PDZD8: variants seen among roughly 807,000 people sequenced by gnomAD.
The protein encoded by PDZD8 is PDZ domain containing 8.
Under a neutral mutation model 85.8 loss-of-function variants are expected in PDZD8, and 14 were observed. That is an observed-to-expected ratio of 0.16 (90% CI 0.11 to 0.26). The LOEUF is 0.26. PDZD8 is among the 10% of genes least tolerant of loss of function. The probability of loss-of-function intolerance (pLI) is 1.00; values close to 1 mark genes in which losing one functional copy is unlikely to be tolerated. For missense variants in PDZD8, 1,197 were observed against 1,424.3 expected, an observed-to-expected ratio of 0.84 and a Z score of 2.57; for synonymous variants, 592 against 568.6, an observed-to-expected ratio of 1.04 and a Z score of -0.59.
chr10:117,340,271 TTACTGAGGTTTCTGAATC>T (rs149550940), intron 2 of PDZD8, among the ~76,000 whole-genome samples: 4,243 of 152,258 alleles, frequency 0.028, 219 homozygotes, highest in African/African-American at 0.099. Flanking sequence ...AGGCCAAACT[TTACTGAGGTTTCTGAATC>T]TTCTGCTAGG....
rs1589603695 is a variant in PDZD8, at chr10:117,375,416, T to A, written c.-189A>T. ...CGAGCCCGCAGCGGCCCGCGCCTCC[T>A]CAGACGCTCCCGAAGGGCCGGTGTG... is the stretch of plus-strand genomic sequence containing the variant. On this transcript the variant is annotated 5_prime_UTR_variant, in exon 1 of 5. Coordinates refer to ENST00000334464, the MANE Select transcript of PDZD8 (RefSeq NM_173791.5). The A allele has an allele frequency of 3.4e-6, 1 of 293,048 alleles. No homozygotes were observed. The highest frequency in any genetic ancestry group is 6.2e-6 in the Non-Finnish European group (1 of 162,232). The allele number at this position is 293,048 out of a possible 1,614,324, so 18.2% of individuals were successfully genotyped here.
At chr10:117,321,118 C>A (rs1844218759) in intron 2 of PDZD8, among the ~76,000 whole-genome samples, 1 of 152,062 alleles carries the variant, frequency 6.6e-6, no homozygotes, top group African/African-American at 2.4e-5. Flanking sequence ...AGAGTTAACA[C>A]ATAGCTCAGT....
At chr10:117,368,860 T>TC (rs1564715663) in intron 1 of PDZD8, among the ~76,000 whole-genome samples, 1 of 133,430 alleles carries the variant, frequency 7.5e-6, no homozygotes, top group Non-Finnish European at 1.7e-5. Flanking sequence ...TGTTTTTTTT[T>TC]TTTTTTTTTT....
intron 1 of PDZD8, among the ~76,000 whole-genome samples, chr10:117,371,182 T>G (rs1326064674): frequency 1.3e-5 from 2 of 152,170 alleles, no homozygotes; most frequent in Non-Finnish European, 2.9e-5. Flanking sequence ...TGTTTATTTA[T>G]TTATTTACTT....
chr10:117,328,621 T>A (rs1189697551), intron 2 of PDZD8, among the ~76,000 whole-genome samples: 1 of 152,142 alleles, frequency 6.6e-6, no homozygotes, highest in Non-Finnish European at 1.5e-5. Context: ...TCTCACTATG[T>A]TGCCTCAAAC....
chr10:117,338,070 T>C (rs1844548088), intron 2 of PDZD8, among the ~76,000 whole-genome samples: 1 of 152,192 alleles, frequency 6.6e-6, no homozygotes, highest in South Asian at 2.1e-4. Flanking sequence ...CAGTAATATG[T>C]CCTCTTTAGT....
intron 2 of PDZD8, among the ~76,000 whole-genome samples, chr10:117,339,783 T>G (rs1403462874): frequency 6.6e-6 from 1 of 152,174 alleles, no homozygotes; most frequent in African/African-American, 2.4e-5. Context: ...AGAAACAGTC[T>G]GCCAACACCT....
intron 2 of PDZD8, among the ~76,000 whole-genome samples, chr10:117,323,731 T>C (rs997011282): frequency 1.3e-5 from 2 of 152,180 alleles, no homozygotes; most frequent in Non-Finnish European, 2.9e-5. Flanking sequence ...CTGGATCTAC[T>C]TATGGGCAAG....
At chr10:117,340,608 T>A (rs1844594625) in intron 2 of PDZD8, among the ~76,000 whole-genome samples, 1 of 152,198 alleles carries the variant, frequency 6.6e-6, no homozygotes, top group African/African-American at 2.4e-5. Flanking sequence ...GCTATACTTA[T>A]CATGATGGTC....
rs1844512846 is a variant in PDZD8, at chr10:117,277,352, ATACCATCCATCCC to A, written c.*5903_*5915del. On this transcript the variant is annotated 3_prime_UTR_variant, in exon 5 of 5. Transcript: ENST00000334464. Reference sequence around the variant, plus strand: ...CAACTCATCCAGAACTGTCTTAGTCATACCATCCATCCCTGGTGAAAGAGTAAAACCAAAGGTT... The same window carrying A: ...CAACTCATCCAGAACTGTCTTAGTCATGGTGAAAGAGTAAAACCAAAGGTT... 1.3e-6 allele frequency: 1 copy of A among 745,166 alleles called. No individual in the cohort carries two copies. Among genetic ancestry groups the A allele is most frequent in the Admixed American group, 2.6e-5 (1 of 38,196 alleles). 46.2% of individuals were successfully genotyped at this position (745,166 alleles called of 1,614,324 possible). A position where few individuals can be genotyped will look rare whatever the true frequency, so the allele number is the denominator to read the frequency against.
chr10:117,362,020 C>T (rs1387387622), intron 1 of PDZD8, among the ~76,000 whole-genome samples: 1 of 152,004 alleles, frequency 6.6e-6, no homozygotes, highest in African/African-American at 2.4e-5. Flanking sequence ...GGGACCAATC[C>T]CCCTTGGATA....
chr10:117,277,921 T>C lies in PDZD8; in HGVS notation c.*5347A>G, dbSNP rs192631119. The C allele has an allele frequency of 7.9e-5, 12 of 152,306 alleles. No individual in the cohort carries two copies. The East Asian group carries it at 2.1e-3, about 27-fold the overall frequency. 9.4% of individuals were successfully genotyped at this position (152,306 alleles called of 1,614,324 possible). On this transcript the variant is annotated 3_prime_UTR_variant, in exon 5 of 5. Transcript: ENST00000334464. ...AGTTGTAAATTATATGTTAACATGT[T>C]ATCTGGTTGGCAGCAAACACTAAAG... is the stretch of plus-strand genomic sequence containing the variant.
intron 3 of PDZD8, among the ~76,000 whole-genome samples, chr10:117,299,693 T>C (rs975132539): frequency 1.3e-5 from 2 of 152,156 alleles, no homozygotes; most frequent in Admixed American, 6.5e-5. Context: ...ATGATATCTA[T>C]TTCTCTGGAG....
At chr10:117,337,752 T>C (rs1844542152) in intron 2 of PDZD8, among the ~76,000 whole-genome samples, 1 of 152,180 alleles carries the variant, frequency 6.6e-6, no homozygotes, top group Non-Finnish European at 1.5e-5. Context: ...GTTGCCTATC[T>C]CTGATTACAA....
intron 2 of PDZD8, among the ~76,000 whole-genome samples, chr10:117,339,875 A>G (rs889033067): frequency 6.6e-6 from 1 of 152,218 alleles, no homozygotes; most frequent in Non-Finnish European, 1.5e-5. Flanking sequence ...TGGAGAGCTA[A>G]GAGGAACCTG....
chr10:117,335,293 C>T (rs879885266), intron 2 of PDZD8, among the ~76,000 whole-genome samples: 10 of 152,054 alleles, frequency 6.6e-5, no homozygotes, highest in Non-Finnish European at 1.3e-4. Context: ...TGCCAGCAGA[C>T]CTACATAACA....
rs1046540880 is a variant in PDZD8 at position 117,283,108 on chromosome 10, G to A, written c.*160C>T. 10 of 687,930 alleles carry A rather than the reference G, an allele frequency of 1.5e-5. No homozygotes were observed. The highest frequency in any genetic ancestry group is 2.3e-5 in the Non-Finnish European group (10 of 439,618). 42.6% of individuals were successfully genotyped at this position (687,930 alleles called of 1,614,324 possible). A position where few individuals can be genotyped will look rare whatever the true frequency, so the allele number is the denominator to read the frequency against. On this transcript the variant is annotated 3_prime_UTR_variant, in exon 5 of 5. Transcript: ENST00000334464. ...AACAACCAATTAGTAAGCTGGTCAT[G>A]TTTTTACTGGAAAACAACCTTTCTC...
chr10:117,300,693 T>C (rs939972013), intron 3 of PDZD8, among the ~76,000 whole-genome samples: 2 of 152,136 alleles, frequency 1.3e-5, no homozygotes, highest in Non-Finnish European at 2.9e-5. Flanking sequence ...ATGATTGTAT[T>C]AGGAGATGGG....
rs1367446470 is a variant in PDZD8 at position 117,290,485 on chromosome 10, A to G, written c.1099-137T>C. The G allele has an allele frequency of 6.9e-6, 4 of 580,712 alleles. No individual in the cohort carries two copies. In the African/African-American group the frequency reaches 7.5e-5, roughly 11 times the overall value. The allele number at this position is 580,712 out of a possible 1,614,324, so 36.0% of individuals were successfully genotyped here. On this transcript the variant is annotated intron_variant, in intron 3 of 4. Transcript: ENST00000334464. ...TTCTATCATGGCAAATAAAGGAAGG[A>G]GAAAATCTTTACTGTAACAATATAA...
Sources: allele counts gnomAD v4.1 joint callset (sites outside exome capture counted in the v4.1 genomes callset), GRCh38; gene constraint gnomAD v4.1.1; transcripts MANE v1.5; gene names NCBI Gene and HGNC (gene_info 2026-07-23, HGNC 2026-07-21).